PTPRZ1: variants seen among roughly 807,000 people sequenced by gnomAD.
The protein encoded by PTPRZ1 is receptor-type tyrosine-protein phosphatase zeta.
In PTPRZ1, 82 loss-of-function variants were observed where a neutral mutation model predicts 214.1. That is an observed-to-expected ratio of 0.38 (90% confidence interval 0.32 to 0.46). PTPRZ1 has a LOEUF of 0.46. Among genes scored for constraint, PTPRZ1 ranks in the 20% least tolerant of loss-of-function variants. PTPRZ1 has a pLI of 1.00. For synonymous variants in PTPRZ1, 945 were observed against 987.9 expected (o/e 0.96, Z 0.81); for missense variants, 2,603 against 2,748.7 (o/e 0.95, Z 1.19).
At position 121,951,634 on chromosome 7, in the gene PTPRZ1, CTTTCAAAGATGTGAGTTA is replaced by C. The variant is rs1029071338; in HGVS notation, c.125-16315_125-16298del. 4.6e-5 allele frequency among the ~76,000 whole-genome samples: 7 copies of C among 152,284 alleles called. No homozygotes were observed. In the East Asian group the frequency reaches 1.4e-3, roughly 30 times the overall value. ...ACAGGTGTCAGCTGGGGTTCTCAAC[CTTTCAAAGATGTGAGTTA>C]TGCTCAAAAGCCAGCCTGCCTCTTC... is the stretch of plus-strand genomic sequence containing the variant. On this transcript the variant is annotated intron_variant, in intron 2 of 29. Coordinates refer to ENST00000393386, the MANE Select transcript of PTPRZ1 (RefSeq NM_002851.3).
At chr7:122,002,366 G>A (rs984973278) in intron 10 of PTPRZ1, among the ~76,000 whole-genome samples, 2 of 152,110 alleles carry the variant, frequency 1.3e-5, no homozygotes, top group Non-Finnish European at 2.9e-5. Flanking sequence ...CCAAGGAGAC[G>A]TGCCTAGGCC....
intron 27 of PTPRZ1, among the ~76,000 whole-genome samples, chr7:122,056,669 A>G (rs554846369): frequency 1.3e-3 from 200 of 151,920 alleles, no homozygotes; most frequent in African/African-American, 4.6e-3. Context: ...TTATATGTGC[A>G]AGGTTTGACA....
At chr7:121,899,222 A>G (rs1004721133) in intron 1 of PTPRZ1, among the ~76,000 whole-genome samples, 3 of 152,078 alleles carry the variant, frequency 2.0e-5, no homozygotes, top group Admixed American at 6.6e-5. Flanking sequence ...CCTTTTGGCA[A>G]ATTCCACTAG....
chr7:121,920,084 G>A (rs1445474887), intron 1 of PTPRZ1, among the ~76,000 whole-genome samples: 1 of 151,882 alleles, frequency 6.6e-6, no homozygotes, highest in African/African-American at 2.4e-5. Flanking sequence ...TCATATCTTT[G>A]TTCCTTTATG....
chr7:121,904,583 T>A (rs905797166), intron 1 of PTPRZ1, among the ~76,000 whole-genome samples: 2 of 152,206 alleles, frequency 1.3e-5, no homozygotes, highest in African/African-American at 4.8e-5. Flanking sequence ...TCTCAACATT[T>A]TTTGCCATAT....
chr7:122,019,343 T>C, intron 13 of PTPRZ1, 75 bp downstream of exon 13: 1 of 1,394,882 alleles, frequency 7.2e-7, no homozygotes, highest in Non-Finnish European at 1.0e-6. Flanking sequence ...TGAAAGGTCT[T>C]CAAAGCATAT....
Position 121,978,218 on chromosome 7 carries a change from C to T in PTPRZ1, c.619+1367C>T, listed in dbSNP as rs531044018. Among the ~76,000 whole-genome samples, 6 of 152,288 alleles carry T rather than the reference C, an allele frequency of 3.9e-5. 1 individual carries two copies. Among genetic ancestry groups the T allele is most frequent in the African/African-American group, 1.4e-4 (6 of 41,564 alleles). The stretch of plus-strand genomic sequence containing the variant: ...CTTTCTGAGAATATGGATTCCCTAA[C>T]AGCATTATTCTGCCTATATTCTGGC... On this transcript the variant is annotated intron_variant, in intron 6 of 29. Coordinates refer to ENST00000393386, the MANE Select transcript of PTPRZ1 (RefSeq NM_002851.3).
At chr7:122,056,226 T>C (rs2150493479) in intron 27 of PTPRZ1, among the ~76,000 whole-genome samples, 1 of 151,950 alleles carries the variant, frequency 6.6e-6, no homozygotes, top group Non-Finnish European at 1.5e-5. Context: ...ATACCTATTA[T>C]CTTGTCACAC....
At chr7:121,930,814 G>A (rs956313856) in intron 2 of PTPRZ1, among the ~76,000 whole-genome samples, 3 of 151,828 alleles carry the variant, frequency 2.0e-5, no homozygotes, top group Middle Eastern at 3.2e-3. Context: ...CTTTTCCTAC[G>A]AAAGAGAAAT....
rs199526461 is a variant in PTPRZ1, at chr7:122,055,008, C to T, written c.6449C>T (p.Thr2150Ile). 7.5e-5 allele frequency: 120 copies of T among 1,606,238 alleles called. No individual in the cohort carries two copies. The highest frequency in any genetic ancestry group is 3.3e-5 in the Admixed American group (2 of 59,728). Residue 2150 changes from threonine (T) to isoleucine (I), a missense_variant, in exon 27 of 30, where the codon ACT becomes ATT. Around this residue, in one of 6 missense-constraint regions of PTPRZ1, gnomAD observed 134 missense variants for 183.3 expected, o/e 0.73. Transcript: ENST00000393386. ...ATAAATTGTGAGAGCTTTAAGGTCA[C>T]TCTTATGGCTGAAGAACACAAATGT... ...EPINCESFKVTLMAEEHKCLS... is the reference protein window; with the variant it reads ...EPINCESFKVILMAEEHKCLS...
chr7:121,975,028 A>G (rs1375613616), intron 4 of PTPRZ1, among the ~76,000 whole-genome samples: 1 of 152,126 alleles, frequency 6.6e-6, no homozygotes, highest in East Asian at 1.9e-4. Context: ...TCTACAAAAA[A>G]TAAGAGAAAA....
chr7:122,039,530 A>C lies in PTPRZ1; in HGVS notation c.5579A>C (p.Gln1860Pro). Residue 1860 changes from glutamine (Q) to proline (P), a missense_variant, in exon 20 of 30, where the codon CAA (glutamine) becomes CCA (proline). Around this residue, in one of 6 missense-constraint regions of PTPRZ1, gnomAD observed 1,913 missense variants for 1,914.3 expected, o/e 1.00. Coordinates refer to ENST00000393386, the MANE Select transcript of PTPRZ1 (RefSeq NM_002851.3). ...GNFLVTQKSV[Q>P]VLAYYTVRNF... is the part of the protein sequence containing the mutation. ...TTTCTGGTCACTCAGAAGAGTGTGC[A>C]AGTGCTTGCCTATTATACTGTGAGG... The C allele has an allele frequency of 6.2e-7, 1 of 1,614,068 alleles. No individual in the cohort carries two copies. Among genetic ancestry groups the C allele is most frequent in the Non-Finnish European group, 8.5e-7 (1 of 1,179,946 alleles).
intron 1 of PTPRZ1, among the ~76,000 whole-genome samples, chr7:121,877,811 A>G (rs1316188755): frequency 6.6e-6 from 1 of 152,176 alleles, no homozygotes; most frequent in East Asian, 1.9e-4. Context: ...TGTGTTGAAT[A>G]TGTTAACTCT....
At chr7:122,041,004 A>C (rs764001792) in intron 21 of PTPRZ1, 25 bp downstream of exon 21, 1 of 1,459,730 alleles carries the variant, frequency 6.9e-7, no homozygotes, top group African/African-American at 1.4e-5. Flanking sequence ...TGTGCCTCTA[A>C]ACCCATAGAA....
chr7:121,977,501 T>TAA (rs1287485455), intron 6 of PTPRZ1, among the ~76,000 whole-genome samples: 1 of 152,240 alleles, frequency 6.6e-6, no homozygotes, highest in African/African-American at 2.4e-5. Flanking sequence ...AGGATCTTAA[T>TAA]GCTGCCCTGA....
chr7:121,931,578 C>G (rs759097609), intron 2 of PTPRZ1, among the ~76,000 whole-genome samples: 1 of 152,116 alleles, frequency 6.6e-6, no homozygotes, highest in African/African-American at 2.4e-5. Context: ...TGTTTCCCAG[C>G]AGCCCAGGGA....
At chr7:121,890,383 G>A (rs903086788) in intron 1 of PTPRZ1, among the ~76,000 whole-genome samples, 7 of 152,088 alleles carry the variant, frequency 4.6e-5, no homozygotes, top group African/African-American at 1.7e-4. Context: ...CATTGCAAAT[G>A]TCAGTATTGC....
chr7:121,997,359 T>C (rs1798174289), intron 9 of PTPRZ1, among the ~76,000 whole-genome samples: 1 of 152,202 alleles, frequency 6.6e-6, no homozygotes, highest in African/African-American at 2.4e-5. Flanking sequence ...AAAATTTTAG[T>C]AACCTTTTAA....
At chr7:121,962,449 AAATAAT>A (rs144574732) in intron 2 of PTPRZ1, among the ~76,000 whole-genome samples, 79,662 of 148,026 alleles carry the variant, frequency 0.54, 21,827 homozygotes, top group African/African-American at 0.61. Context: ...CTCTGTCTCA[AAATAAT>A]AATAATAATA....
Sources: gnomAD v4.1 joint callset for allele counts (sites outside exome capture counted in the v4.1 genomes callset) on GRCh38, gnomAD v4.1.1 for gene constraint, gnomAD v4.1.1 regional missense constraint, MANE v1.5 for transcripts, NCBI Gene and HGNC (gene_info 2026-07-23, HGNC 2026-07-21) for gene names.